PDHA1: variants seen among roughly 807,000 people sequenced by gnomAD.
The protein encoded by PDHA1 is pyruvate dehydrogenase E1 component subunit alpha, somatic form, mitochondrial.
PDHA1 carries 1 observed loss-of-function variant against 33.0 expected under a neutral mutation model. The observed-to-expected ratio is 0.03, with a 90% CI of 0.01 to 0.14. The LOEUF (loss-of-function observed/expected upper bound fraction) is 0.14, where lower values mean the gene tolerates loss of function less well. Ranked by LOEUF, PDHA1 falls within the 10% of genes least tolerant of loss-of-function variation. The pLI, the probability that PDHA1 is intolerant of heterozygous loss-of-function variation, is 1.00. For missense variants in PDHA1, 168 were observed against 325.1 expected, an observed-to-expected ratio of 0.52 and a Z score of 3.72; for synonymous variants, 123 against 119.2, an observed-to-expected ratio of 1.03 and a Z score of -0.21.
chrX:19,361,391 A>G lies in PDHA1; in HGVS notation c.*1738A>G, dbSNP rs752352625. The G allele has an allele frequency of 1.7e-5, 20 of 1,208,066 alleles. No individual in the cohort carries two copies. The East Asian group carries it at 5.9e-4, about 36-fold the overall frequency. On this transcript the variant is annotated 3_prime_UTR_variant, in exon 11 of 11. Coordinates refer to ENST00000422285, the MANE Select transcript of PDHA1 (RefSeq NM_000284.4). ...TTAGTGATCTCATTAAGAATATCCG[A>G]AAGTGTATAACCCTCTTCAACAATC... is the stretch of plus-strand genomic sequence containing the variant.
intron 3 of PDHA1, 94 bp from the exon 4 acceptor site, chrX:19,351,187 C>T: frequency 1.1e-6 from 1 of 874,904 alleles, no homozygotes; most frequent in Non-Finnish European, 1.7e-6. Context: ...ATGACAGGTT[C>T]TACTAGCCCA....
intron 8 of PDHA1, among the ~76,000 whole-genome samples, chrX:19,356,188 C>G (rs993253107): frequency 8.9e-6 from 1 of 111,777 alleles, no homozygotes; most frequent in Non-Finnish European, 1.9e-5. Flanking sequence ...AGCTCGTAAT[C>G]TTAGTCTTGC....
rs2063235242 is a variant in PDHA1 at position 19,359,093 on chromosome X, G to A, written c.1008+69G>A. 3 of 609,541 alleles carry A rather than the reference G, an allele frequency of 4.9e-6. No individual in the cohort carries two copies. The Admixed American group carries it at 7.0e-5, about 14-fold the overall frequency. 50.2% of individuals were successfully genotyped at this position (609,541 alleles called of 1,213,427 possible). On this transcript the variant is annotated intron_variant, in intron 10 of 10. Coordinates refer to ENST00000422285, the MANE Select transcript of PDHA1 (RefSeq NM_000284.4). ...GTTGCCACCCCTGGGTGGCCACAGAGTTTGTGTGGGTTCCTCCAAGCCCAG... is the reference window on the plus strand; with the variant it reads ...GTTGCCACCCCTGGGTGGCCACAGAATTTGTGTGGGTTCCTCCAAGCCCAG...
At chrX:19,355,617 G>C (rs2147181300) in intron 7 of PDHA1, 69 bp from the exon 8 acceptor site, 12 of 1,132,920 alleles carry the variant, frequency 1.1e-5, no homozygotes, top group Non-Finnish European at 1.5e-5. Context: ...TACAGGAGCA[G>C]GTCATGTGAA....
At position 19,361,483 on chromosome X, in the gene PDHA1, G is replaced by A. The variant is rs1364463236; in HGVS notation, c.*1830G>A. 1 of 1,204,837 alleles carries A rather than the reference G, an allele frequency of 8.3e-7. No homozygotes were observed. The highest frequency in any genetic ancestry group is 3.0e-5 in the East Asian group (1 of 33,830). ...ACAACAGCATAAGAATTTCTTTGTT[G>A]TAAATTTACCTTTTCAATTGTCTTT... is the stretch of plus-strand genomic sequence containing the variant. On this transcript the variant is annotated 3_prime_UTR_variant, in exon 11 of 11. Transcript: ENST00000422285.
At chrX:19,346,487 TA>T (rs1003060579) in intron 1 of PDHA1, 25 of 435,431 alleles carry the variant, frequency 5.7e-5, no homozygotes, top group South Asian at 1.2e-4. Context: ...CCCAGCCAAT[TA>T]AAAAAATTTT....
In PDHA1 at chrX:19,361,343, G is replaced by A; in HGVS notation, c.*1690G>A. 1 of 1,200,627 alleles carries A rather than the reference G, an allele frequency of 8.3e-7. No individual in the cohort carries two copies. Among genetic ancestry groups the A allele is most frequent in the Non-Finnish European group, 1.1e-6 (1 of 886,488 alleles). On this transcript the variant is annotated 3_prime_UTR_variant, in exon 11 of 11. Coordinates refer to ENST00000422285, the MANE Select transcript of PDHA1 (RefSeq NM_000284.4). ...AAACTGTTTTGAGGCTCTTACCGTA[G>A]TCGAAGGTATCTTAGATCTTCCTTA...
chrX:19,354,949 A>G (rs778204113), intron 6 of PDHA1, among the ~76,000 whole-genome samples: 1 of 112,624 alleles, frequency 8.9e-6, no homozygotes, highest in Admixed American at 9.4e-5. Flanking sequence ...CTCAGTTTCT[A>G]TGCTTCTCTT....
chrX:19,352,911 A>T, intron 4 of PDHA1, 171 bp from the exon 5 acceptor site: 1 of 521,192 alleles, frequency 1.9e-6, no homozygotes, highest in South Asian at 2.5e-5. Context: ...ACATGGAACT[A>T]GTGAAAGGAC....
Position 19,345,751 on chromosome X carries a change from C to G in PDHA1, c.57+1657C>G, listed in dbSNP as rs777025146. On this transcript the variant is annotated intron_variant, in intron 1 of 10. Transcript: ENST00000422285. Reference sequence around the variant, plus strand: ...CCTGTATCAGTTTGCAGGGTCCCCCCCCCCCCGCCACCTTACAGTAGGAAG... The same window carrying G: ...CCTGTATCAGTTTGCAGGGTCCCCCGCCCCCCGCCACCTTACAGTAGGAAG... The G allele has an allele frequency of 1.9e-5, 5 of 263,073 alleles. 1 individual carries two copies. Among genetic ancestry groups the G allele is most frequent in the South Asian group, 8.4e-5 (2 of 23,767 alleles). 21.7% of individuals were successfully genotyped at this position (263,073 alleles called of 1,213,427 possible).
rs769411236 is a variant in PDHA1 at position 19,359,478 on chromosome X, C to CTAAT, written c.1009-9_1009-6dup. On this transcript the variant is annotated splice_polypyrimidine_tract_variant and intron_variant, in intron 10 of 10. Transcript: ENST00000422285. ...ATTCTAAAACCTTTTACACTGTTAC[C>CTAAT]TAATTTTTAGGAAATTGATGTGGAA... The CTAAT allele has an allele frequency of 3.1e-5, 37 of 1,202,256 alleles. No homozygotes were observed. Among genetic ancestry groups the CTAAT allele is most frequent in the Middle Eastern group, 2.3e-4 (1 of 4,360 alleles).
chrX:19,346,317 C>T (rs916286036), intron 1 of PDHA1, among the ~76,000 whole-genome samples: 1 of 111,478 alleles, frequency 9.0e-6, no homozygotes, highest in African/African-American at 3.3e-5. Flanking sequence ...TTTATTCTCC[C>T]TGGTTTACTT....
intron 4 of PDHA1, 99 bp from the exon 5 acceptor site, chrX:19,352,983 T>G (rs2063172989): frequency 1.5e-6 from 1 of 673,496 alleles, no homozygotes; most frequent in Non-Finnish European, 2.5e-6. Context: ...GGCCTCTGTG[T>G]TCTAATGGTT....
intron 5 of PDHA1, among the ~76,000 whole-genome samples, chrX:19,354,071 G>A (rs977740492): frequency 6.3e-5 from 7 of 110,942 alleles, no homozygotes; most frequent in Non-Finnish European, 1.3e-4. Context: ...TCAGCCTCCC[G>A]AGTAGCTGGG....
At chrX:19,350,555 T>G (rs1453794428) in intron 3 of PDHA1, among the ~76,000 whole-genome samples, 1 of 112,710 alleles carries the variant, frequency 8.9e-6, no homozygotes, top group East Asian at 2.8e-4. Flanking sequence ...CGTGAGCCAC[T>G]GTGCCTGGCT....
rs1173405849 is a variant in PDHA1, at chrX:19,360,263, A to AATTGAAGTACC, written c.*613_*623dup. ...ATTCGTATCAGTTTTGTGTTTCTCA[A>AATTGAAGTACC]ATTGAAGTACCATACCAGTTCTGAG... On this transcript the variant is annotated 3_prime_UTR_variant, in exon 11 of 11. Coordinates refer to ENST00000422285, the MANE Select transcript of PDHA1 (RefSeq NM_000284.4). 7.5e-6 allele frequency: 1 copy of AATTGAAGTACC among 134,067 alleles called. No homozygotes were observed. Among genetic ancestry groups the AATTGAAGTACC allele is most frequent in the East Asian group, 2.4e-4 (1 of 4,225 alleles). 11.0% of individuals were successfully genotyped at this position (134,067 alleles called of 1,213,427 possible). A position where few individuals can be genotyped will look rare whatever the true frequency, so the allele number is the denominator to read the frequency against.
intron 1 of PDHA1, chrX:19,345,713 A>G: frequency 3.9e-6 from 1 of 259,511 alleles, no homozygotes; most frequent in Non-Finnish European, 7.3e-6. Flanking sequence ...TCTGCAAGTC[A>G]GGTTCATTGT....
intron 3 of PDHA1, among the ~76,000 whole-genome samples, chrX:19,351,074 AAAGG>A (rs1189078024): frequency 8.9e-6 from 1 of 112,012 alleles, no homozygotes; most frequent in Admixed American, 9.5e-5. Context: ...CATACAGGAG[AAAGG>A]AAGGAAGTGG....
At chrX:19,354,975 CCA>C (rs2063185846) in intron 6 of PDHA1, among the ~76,000 whole-genome samples, 1 of 112,720 alleles carries the variant, frequency 8.9e-6, no homozygotes, top group Non-Finnish European at 1.9e-5. Flanking sequence ...CGAGTAATCC[CCA>C]GTCTGTGGCC....
Sources: allele counts gnomAD v4.1 joint callset (sites outside exome capture counted in the v4.1 genomes callset), GRCh38; gene constraint gnomAD v4.1.1; transcripts MANE v1.5; gene names NCBI Gene and HGNC (gene_info 2026-07-23, HGNC 2026-07-21).